Variants in IQGAP1 observed in about 807,000 individuals in gnomAD.
IQGAP1 encodes ras GTPase-activating-like protein IQGAP1.
Under a neutral mutation model 215.6 loss-of-function variants are expected in IQGAP1, and 66 were observed. The observed-to-expected ratio is 0.31, with a 90% CI of 0.25 to 0.38. The LOEUF is 0.38. Among genes scored for constraint, IQGAP1 ranks in the 10% least tolerant of loss-of-function variants. The probability of loss-of-function intolerance (pLI) is 1.00; values close to 1 mark genes in which losing one functional copy is unlikely to be tolerated. For missense variants in IQGAP1, 1,712 were observed against 1,997.1 expected, an observed-to-expected ratio of 0.86 and a Z score of 2.72; for synonymous variants, 772 against 728.7, an observed-to-expected ratio of 1.06 and a Z score of -0.96.
intron 8 of IQGAP1, among the ~76,000 whole-genome samples, chr15:90,441,957 C>T (rs575610220): frequency 2.0e-5 from 3 of 152,232 alleles, no homozygotes; most frequent in African/African-American, 4.8e-5. Context: ...CTGCCATTGA[C>T]CTTTTTAAGA....
chr15:90,462,679 CAT>C (rs1228010156), intron 15 of IQGAP1, among the ~76,000 whole-genome samples: 1 of 152,132 alleles, frequency 6.6e-6, no homozygotes, highest in East Asian at 1.9e-4. Flanking sequence ...ATGTACATAA[CAT>C]AGTCATTCCT....
intron 22 of IQGAP1, 73 bp downstream of exon 22, chr15:90,474,206 A>G: frequency 1.5e-6 from 2 of 1,330,270 alleles, no homozygotes; most frequent in Non-Finnish European, 2.1e-6. Context: ...TTCTCCACAG[A>G]CCTCTTTTGT....
At chr15:90,485,171 A>G (rs986354466) in intron 30 of IQGAP1, among the ~76,000 whole-genome samples, 1 of 152,196 alleles carries the variant, frequency 6.6e-6, no homozygotes, top group African/African-American at 2.4e-5. Context: ...GAACAAGGGC[A>G]TATGTTAAAA....
At position 90,422,644 on chromosome 15, in the gene IQGAP1, A is replaced by G. The variant is rs1333189301; in HGVS notation, c.156-3466A>G. 9.9e-3 allele frequency among the ~76,000 whole-genome samples: 691 copies of G among 69,778 alleles called. 29 individuals carry two copies. The highest frequency in any genetic ancestry group is 0.043 in the African/African-American group (677 of 15,574). The allele number at this position is 69,778 out of a possible 152,430, so 45.8% of individuals were successfully genotyped here. On this transcript the variant is annotated intron_variant, in intron 2 of 37. Transcript: ENST00000268182. ...TATATATGTATATATATATATGTATATGTATATATATATATGTATATATAT... is the reference window on the plus strand; with the variant it reads ...TATATATGTATATATATATATGTATGTGTATATATATATATGTATATATAT...
At chr15:90,388,424 G>A (rs770736790) in intron 1 of IQGAP1, 28 bp downstream of exon 1, 2 of 1,557,798 alleles carry the variant, frequency 1.3e-6, no homozygotes, top group Non-Finnish European at 8.6e-7. Flanking sequence ...CGGCGCGGGG[G>A]CTTCGGGCTG....
intron 2 of IQGAP1, among the ~76,000 whole-genome samples, chr15:90,397,607 C>T (rs1963635): frequency 0.16 from 24,394 of 149,172 alleles, 2,605 homozygotes; most frequent in East Asian, 0.45. Context: ...ACCTCCGCCT[C>T]CCAGGTTCTC....
rs1965632077 is a variant in IQGAP1, at chr15:90,453,286, G to A, written c.1481G>A (p.Cys494Tyr). The part of the protein sequence containing the change: ...TGLTNIEEEN[C>Y]QRYLDELMKL... ...CTTACCAATATTGAGGAAGAAAACT[G>A]TCAGAGGTGGGTGTCCAGAGTGAAG... The change falls in exon 13 of 38, where the codon TGT becomes TAT. Residue 494 changes from cysteine to tyrosine, a missense_variant. Transcript: ENST00000268182. 1.2e-6 allele frequency: 2 copies of A among 1,610,806 alleles called. No individual in the cohort carries two copies. Among genetic ancestry groups the A allele is most frequent in the African/African-American group, 1.3e-5 (1 of 74,944 alleles).
rs750224266 is a variant in IQGAP1, at chr15:90,477,764, G to A, written c.3204G>A (p.Leu1068=). 1.2e-6 allele frequency: 2 copies of A among 1,613,806 alleles called. No homozygotes were observed. Among genetic ancestry groups the A allele is most frequent in the Non-Finnish European group, 1.7e-6 (2 of 1,179,804 alleles). ...FNRGARGQNA[L]RQILAPVVKE... The stretch of plus-strand genomic sequence containing the variant: ...GTGGTGCCCGTGGCCAGAATGCCCT[G>A]AGACAGATCTTGGCCCCAGTCGTGA... The change falls in exon 26 of 38, where the codon CTG becomes CTA. Residue 1068 remains leucine, a synonymous_variant. Transcript: ENST00000268182.
intron 2 of IQGAP1, among the ~76,000 whole-genome samples, chr15:90,412,020 A>G (rs1422661726): frequency 6.6e-6 from 1 of 152,154 alleles, no homozygotes; most frequent in Non-Finnish European, 1.5e-5. Flanking sequence ...ACTATGATCT[A>G]GTTTCCATTT....
chr15:90,487,190 C>A, intron 32 of IQGAP1, 101 bp downstream of exon 32: 1 of 1,133,110 alleles, frequency 8.8e-7, no homozygotes, highest in Non-Finnish European at 1.3e-6. Flanking sequence ...ACCATCCTGA[C>A]CTCTCGTACT....
chr15:90,426,366 G>A, intron 3 of IQGAP1, 100 bp downstream of exon 3: 1 of 1,324,918 alleles, frequency 7.5e-7, no homozygotes, highest in Non-Finnish European at 1.0e-6. Context: ...TGTAAGGTGT[G>A]TTTGTTGCAA....
intron 2 of IQGAP1, among the ~76,000 whole-genome samples, chr15:90,392,799 C>T (rs182031644): frequency 1.6e-5 from 2 of 124,040 alleles, no homozygotes; most frequent in African/African-American, 6.5e-5. Context: ...GGCTGGAGGG[C>T]AGTGGCGCAA....
At position 90,484,191 on chromosome 15, in the gene IQGAP1, TG is replaced by T. The variant is rs764349347; in HGVS notation, c.3789-23del. 1.0e-5 allele frequency: 16 copies of T among 1,607,500 alleles called. No homozygotes were observed. The African/African-American group carries it at 2.0e-4, about 20-fold the overall frequency. ...CCAACTTCATGTGTATGTCCCTTTT[TG>T]GGGGGCTGCCTCCTGTGCTTATTTC... On this transcript the variant is annotated intron_variant, in intron 29 of 37. Transcript: ENST00000268182.
intron 36 of IQGAP1, 162 bp from the exon 37 acceptor site, chr15:90,497,070 C>T: frequency 1.8e-6 from 1 of 552,638 alleles, no homozygotes. Context: ...GGTACTTGGG[C>T]TTGGCAATCT....
At chr15:90,442,444 C>CG (rs1053757152) in intron 8 of IQGAP1, among the ~76,000 whole-genome samples, 20 of 127,420 alleles carry the variant, frequency 1.6e-4, no homozygotes, top group South Asian at 3.0e-4. Context: ...GACTCCGTCT[C>CG]GGGGGGGAAA....
At chr15:90,485,444 TG>T (rs1966113704) in intron 30 of IQGAP1, among the ~76,000 whole-genome samples, 1 of 152,156 alleles carries the variant, frequency 6.6e-6, no homozygotes, top group East Asian at 1.9e-4. Flanking sequence ...TTGTTTGTTT[TG>T]TTTTGTTTTT....
chr15:90,429,704 G>C, intron 4 of IQGAP1, 38 bp downstream of exon 4: 2 of 1,362,692 alleles, frequency 1.5e-6, no homozygotes, highest in Non-Finnish European at 2.1e-6. Context: ...CTTTGTTCCA[G>C]CTGTTGTGGC....
intron 8 of IQGAP1, 46 bp downstream of exon 8, chr15:90,441,730 G>A (rs553402609): frequency 5.4e-5 from 73 of 1,347,800 alleles, no homozygotes; most frequent in African/African-American, 3.7e-4. Flanking sequence ...ATATTATTCC[G>A]TCATTTGATA....
At position 90,433,696 on chromosome 15, in the gene IQGAP1, C is replaced by CT. The variant is rs1965332876; in HGVS notation, c.391-22dup. On this transcript the variant is annotated intron_variant, in intron 4 of 37. Coordinates refer to ENST00000268182, the MANE Select transcript of IQGAP1 (RefSeq NM_003870.4). ...GAACACAGTGAATGGATATCTTACT[C>CT]TGTTTCTTTTATTTCTCCCTAGATT... The CT allele has an allele frequency of 2.2e-6, 3 of 1,392,644 alleles. No homozygotes were observed. In the African/African-American group the frequency reaches 4.3e-5, roughly 20 times the overall value. The allele number at this position is 1,392,644 out of a possible 1,614,324, so 86.3% of individuals were successfully genotyped here. A position where few individuals can be genotyped will look rare whatever the true frequency, so the allele number is the denominator to read the frequency against.
Sources: gnomAD v4.1 joint callset for allele counts (sites outside exome capture counted in the v4.1 genomes callset) on GRCh38, gnomAD v4.1.1 for gene constraint, MANE v1.5 for transcripts, NCBI Gene and HGNC (gene_info 2026-07-23, HGNC 2026-07-21) for gene names.